EIPR1: variants seen among roughly 807,000 people sequenced by gnomAD.
EIPR1 encodes EARP and GARP complex-interacting protein 1.
In EIPR1, 25 loss-of-function variants were observed where a neutral mutation model predicts 48.1. The observed-to-expected ratio is 0.52, with a 90% CI of 0.38 to 0.73. The LOEUF is 0.73. Among genes scored for constraint, EIPR1 ranks in the 30% least tolerant of loss-of-function variants. The pLI, the probability that EIPR1 is intolerant of heterozygous loss-of-function variation, is 0.00. For synonymous variants in EIPR1, 204 were observed against 201.9 expected (o/e 1.01, Z -0.09); for missense variants, 415 against 506.2 (o/e 0.82, Z 1.73).
chr2:3,242,632 A>C (rs1297628700), intron 4 of EIPR1, among the ~76,000 whole-genome samples: 1 of 152,276 alleles, frequency 6.6e-6, no homozygotes, highest in Non-Finnish European at 1.5e-5. Context: ...GCTTGTGCTC[A>C]GACTAAGATT....
At chr2:3,304,841 GTCCAGTTCAGCCCTCCACTGCCA>G (rs1668873911) in intron 3 of EIPR1, among the ~76,000 whole-genome samples, 8 of 134,534 alleles carry the variant, frequency 5.9e-5, no homozygotes, top group East Asian at 2.3e-4. Flanking sequence ...CTCCAGTCCC[GTCCAGTTCAGCCCTCCACTGCCA>G]TCCAGTTCAG....
intron 3 of EIPR1, among the ~76,000 whole-genome samples, chr2:3,299,890 G>A (rs745668165): frequency 3.9e-5 from 6 of 152,110 alleles, no homozygotes; most frequent in Non-Finnish European, 8.8e-5. Context: ...GAGTGATCCT[G>A]GGCCAGTCAC....
At chr2:3,253,574 C>T (rs943455514) in intron 4 of EIPR1, among the ~76,000 whole-genome samples, 1 of 152,176 alleles carries the variant, frequency 6.6e-6, no homozygotes, top group African/African-American at 2.4e-5. Flanking sequence ...CTACTGCTCC[C>T]GAGGAGTGGG....
chr2:3,300,490 C>T (rs1668732969), intron 3 of EIPR1, among the ~76,000 whole-genome samples: 2 of 152,204 alleles, frequency 1.3e-5, no homozygotes, highest in Admixed American at 6.5e-5. Context: ...GGACTGGGCT[C>T]CCAGCAGTCT....
At chr2:3,349,526 G>A (rs1670504231) in intron 2 of EIPR1, among the ~76,000 whole-genome samples, 1 of 152,256 alleles carries the variant, frequency 6.6e-6, no homozygotes, top group Admixed American at 6.5e-5. Flanking sequence ...ACGGGGATAA[G>A]GAGGACGCTG....
chr2:3,247,322 T>G (rs1015824824), intron 4 of EIPR1, among the ~76,000 whole-genome samples: 11 of 152,166 alleles, frequency 7.2e-5, no homozygotes, highest in African/African-American at 2.7e-4. Flanking sequence ...CAGGGAGCAT[T>G]AATCTACAGT....
intron 3 of EIPR1, among the ~76,000 whole-genome samples, chr2:3,278,546 GC>G (rs1305620421): frequency 6.6e-6 from 1 of 152,126 alleles, no homozygotes; most frequent in Non-Finnish European, 1.5e-5. Flanking sequence ...CTGGGAGGCA[GC>G]CAGGCCCAGC....
intron 2 of EIPR1, among the ~76,000 whole-genome samples, chr2:3,349,671 G>T (rs1415641445): frequency 2.0e-5 from 3 of 152,104 alleles, no homozygotes; most frequent in African/African-American, 7.2e-5. Flanking sequence ...CATGCTGGGA[G>T]ATGGGGACAG....
In EIPR1 at chr2:3,274,424, A is replaced by G. The variant is rs1490359638; in HGVS notation, c.260-16969T>C. 1.2e-5 allele frequency: 19 copies of G among 1,550,080 alleles called. No homozygotes were observed. The Admixed American group carries it at 3.5e-4, about 29-fold the overall frequency. On this transcript the variant is annotated intron_variant, in intron 3 of 8. Coordinates refer to ENST00000382125, the MANE Select transcript of EIPR1 (RefSeq NM_003310.5). The stretch of plus-strand genomic sequence containing the variant: ...GAGACAGCACACAACAAAATGCTAG[A>G]AAAAAAGTCAGGGCAGAACTGTTCA...
intron 2 of EIPR1, among the ~76,000 whole-genome samples, chr2:3,351,909 G>A (rs567972731): frequency 1.2e-4 from 19 of 152,360 alleles, no homozygotes; most frequent in Non-Finnish European, 2.1e-4. Context: ...ATACCATTCT[G>A]AGTAGTGTGG....
At chr2:3,207,282 CAGGTCACACTGTTA>C (rs1665270427) in intron 5 of EIPR1, among the ~76,000 whole-genome samples, 1 of 152,204 alleles carries the variant, frequency 6.6e-6, no homozygotes, top group South Asian at 2.1e-4. Flanking sequence ...GAACATGTCT[CAGGTCACACTGTTA>C]AGGAGTGGCA....
chr2:3,209,845 C>T (rs547790159), intron 5 of EIPR1, among the ~76,000 whole-genome samples: 6 of 152,266 alleles, frequency 3.9e-5, no homozygotes, highest in South Asian at 4.1e-4. Context: ...GTGAAAAGAT[C>T]GGGCTTGCCA....
At chr2:3,375,287 G>A (rs555927616) in intron 1 of EIPR1, among the ~76,000 whole-genome samples, 3 of 149,964 alleles carry the variant, frequency 2.0e-5, no homozygotes, top group Non-Finnish European at 3.0e-5. Flanking sequence ...GCTGAATGAC[G>A]AGTTAATGGG....
chr2:3,208,336 C>T (rs1334940675), intron 5 of EIPR1: 73 of 921,946 alleles, frequency 7.9e-5, no homozygotes, highest in Middle Eastern at 3.4e-4. Flanking sequence ...CAGGAGCCAC[C>T]GTGAGCACCT....
intron 5 of EIPR1, among the ~76,000 whole-genome samples, chr2:3,200,622 G>A (rs1194492647): frequency 6.6e-6 from 1 of 151,956 alleles, no homozygotes; most frequent in Non-Finnish European, 1.5e-5. Flanking sequence ...GCCTCGGGAA[G>A]CCTGTCCAGA....
chr2:3,266,118 A>G (rs541206686), intron 3 of EIPR1, among the ~76,000 whole-genome samples: 10 of 152,348 alleles, frequency 6.6e-5, no homozygotes, highest in Admixed American at 6.5e-4. Flanking sequence ...ACCAGGCAAA[A>G]GGCTTACAGG....
chr2:3,259,025 A>G (rs994132628), intron 3 of EIPR1, among the ~76,000 whole-genome samples: 14 of 152,194 alleles, frequency 9.2e-5, no homozygotes, highest in African/African-American at 2.7e-4. Context: ...AAAAATAACC[A>G]AAGGGAAAGT....
At chr2:3,359,587 A>G (rs1219703277) in intron 1 of EIPR1, among the ~76,000 whole-genome samples, 1 of 152,232 alleles carries the variant, frequency 6.6e-6, no homozygotes, top group Non-Finnish European at 1.5e-5. Flanking sequence ...TCTAAAATGT[A>G]TCTTTAAAAA....
chr2:3,278,705 G>A (rs1325045151), intron 3 of EIPR1, among the ~76,000 whole-genome samples: 1 of 152,146 alleles, frequency 6.6e-6, no homozygotes, highest in African/African-American at 2.4e-5. Context: ...GACCATCAGC[G>A]AGGTCGGCCC....
Sources: gnomAD v4.1 joint callset for allele counts (sites outside exome capture counted in the v4.1 genomes callset) on GRCh38, gnomAD v4.1.1 for gene constraint, MANE v1.5 for transcripts, NCBI Gene and HGNC (gene_info 2026-07-23, HGNC 2026-07-21) for gene names.